Variants in AGBL4 observed in about 807,000 individuals in gnomAD.
AGBL4 encodes the protein cytosolic carboxypeptidase 6.
Under a neutral mutation model 66.4 loss-of-function variants are expected in AGBL4, and 58 were observed. The ratio of observed to expected loss-of-function variants is 0.87; its 90% CI spans 0.71 to 1.09. The LOEUF is 1.09. Ranked by LOEUF, AGBL4 falls within the 50% of genes least tolerant of loss-of-function variation. AGBL4 has a pLI of 0.00. For missense variants in AGBL4, 579 were observed against 631.0 expected, an observed-to-expected ratio of 0.92 and a Z score of 0.88; for synonymous variants, 234 against 222.9, an observed-to-expected ratio of 1.05 and a Z score of -0.44.
intron 3 of AGBL4, among the ~76,000 whole-genome samples, chr1:49,283,127 C>G (rs1367092100): frequency 6.6e-6 from 1 of 152,204 alleles, no homozygotes; most frequent in East Asian, 1.9e-4. Context: ...CCCTGTCTGA[C>G]AGCTTTGAAG....
chr1:49,530,335 C>A (rs1480404987), intron 3 of AGBL4, among the ~76,000 whole-genome samples: 1 of 138,834 alleles, frequency 7.2e-6, no homozygotes, highest in Non-Finnish European at 1.5e-5. Context: ...TACATGTGCA[C>A]AACGTGCAGG....
chr1:49,916,556 C>T (rs1045668335), intron 1 of AGBL4, among the ~76,000 whole-genome samples: 1 of 152,168 alleles, frequency 6.6e-6, no homozygotes, highest in African/African-American at 2.4e-5. Context: ...AAGAAAAGAA[C>T]AAAGCCTCCA....
chr1:49,003,253 C>T (rs529394399), intron 5 of AGBL4, among the ~76,000 whole-genome samples: 2 of 152,120 alleles, frequency 1.3e-5, no homozygotes, highest in South Asian at 2.1e-4. Flanking sequence ...AAAAAATTAG[C>T]TGGGCGTGGT....
At chr1:49,832,168 C>T (rs1645705936) in intron 2 of AGBL4, among the ~76,000 whole-genome samples, 1 of 151,494 alleles carries the variant, frequency 6.6e-6, no homozygotes, top group Non-Finnish European at 1.5e-5. Context: ...CACAGCAGTC[C>T]CCAGAGTGTG....
At chr1:48,652,668 G>A (rs1261410912) in intron 8 of AGBL4, among the ~76,000 whole-genome samples, 1 of 152,180 alleles carries the variant, frequency 6.6e-6, no homozygotes, top group Non-Finnish European at 1.5e-5. Flanking sequence ...AGCTTAATGT[G>A]AAATAAGGGC....
chr1:48,799,953 T>C (rs1176721866), intron 6 of AGBL4, among the ~76,000 whole-genome samples: 1 of 152,172 alleles, frequency 6.6e-6, no homozygotes, highest in Non-Finnish European at 1.5e-5. Flanking sequence ...ATTGGTCTAC[T>C]GTTTTCTTTG....
At chr1:48,527,150 T>C in the AGBL4 span, among the ~76,000 whole-genome samples, 1 of 152,174 alleles carries the variant, frequency 6.6e-6, no homozygotes, top group Non-Finnish European at 1.5e-5. Context: ...ATTTTGTTCA[T>C]TCTTTCTTTT....
intron 3 of AGBL4, among the ~76,000 whole-genome samples, chr1:49,284,619 T>G (rs1001805369): frequency 1.3e-4 from 20 of 152,296 alleles, no homozygotes; most frequent in African/African-American, 9.6e-5. Flanking sequence ...TGCTGTATTC[T>G]GGAAACCCAT....
At chr1:49,185,098 G>C (rs1646992230) in intron 4 of AGBL4, among the ~76,000 whole-genome samples, 1 of 152,086 alleles carries the variant, frequency 6.6e-6, no homozygotes, top group African/African-American at 2.4e-5. Flanking sequence ...GTTTTGCTTG[G>C]AAGCACCCAG....
intron 6 of AGBL4, among the ~76,000 whole-genome samples, chr1:48,759,764 CA>C (rs1322008703): frequency 2.0e-5 from 3 of 152,198 alleles, no homozygotes; most frequent in South Asian, 4.1e-4. Flanking sequence ...CCCCTAAAGG[CA>C]ATTCACCATG....
chr1:49,441,910 G>A (rs371923825), intron 3 of AGBL4, among the ~76,000 whole-genome samples: 2 of 152,138 alleles, frequency 1.3e-5, no homozygotes, highest in Admixed American at 6.5e-5. Context: ...TGGAGGTTAC[G>A]CATGGGCTCA....
intron 3 of AGBL4, among the ~76,000 whole-genome samples, chr1:49,420,472 G>A (rs1243370320): frequency 2.6e-5 from 4 of 152,036 alleles, no homozygotes; most frequent in African/African-American, 9.7e-5. Context: ...AGGCCAAGAC[G>A]GGCGGATCAC....
At chr1:49,575,475 A>C (rs1644418248) in intron 3 of AGBL4, among the ~76,000 whole-genome samples, 2 of 152,300 alleles carry the variant, frequency 1.3e-5, no homozygotes, top group Middle Eastern at 3.4e-3. Flanking sequence ...AATCAGAAAC[A>C]ATATCAATCC....
At chr1:49,192,244 T>C (rs960673249) in intron 4 of AGBL4, among the ~76,000 whole-genome samples, 1 of 152,132 alleles carries the variant, frequency 6.6e-6, no homozygotes, top group Non-Finnish European at 1.5e-5. Flanking sequence ...TGCTTACATG[T>C]TTTATATATT....
intron 1 of AGBL4, among the ~76,000 whole-genome samples, chr1:49,885,780 G>A (rs962401501): frequency 1.3e-5 from 2 of 152,086 alleles, no homozygotes; most frequent in East Asian, 3.9e-4. Flanking sequence ...TGACCATCTA[G>A]TTAAGGACTA....
At chr1:49,814,270 T>G (rs1192630830) in intron 2 of AGBL4, among the ~76,000 whole-genome samples, 1 of 152,104 alleles carries the variant, frequency 6.6e-6, no homozygotes, top group Non-Finnish European at 1.5e-5. Context: ...ATGTATCATG[T>G]AGGAGTATTC....
Position 48,712,034 on chromosome 1 carries a change from C to G in AGBL4, c.635-48793G>C, listed in dbSNP as rs180863987. On this transcript the variant is annotated intron_variant, in intron 6 of 13. Coordinates refer to ENST00000371839, the MANE Select transcript of AGBL4 (RefSeq NM_032785.4). The stretch of plus-strand genomic sequence containing the variant: ...CTTTTCTCAGTCATACTCGCTCTGG[C>G]CCCATCTGTGCTACTCCCTCCTCTT... Among the ~76,000 whole-genome samples the G allele has an allele frequency of 6.1e-3, 929 of 152,230 alleles. 11 individuals carry two copies. Among genetic ancestry groups the G allele is most frequent in the Middle Eastern group, 0.024 (7 of 294 alleles).
At chr1:49,632,961 C>A (rs1361832108) in intron 3 of AGBL4, among the ~76,000 whole-genome samples, 2 of 152,056 alleles carry the variant, frequency 1.3e-5, no homozygotes, top group African/African-American at 2.4e-5. Flanking sequence ...GTAGTCCCAG[C>A]TACTCGGGAG....
chr1:49,153,432 TG>T (rs1646375557), intron 4 of AGBL4, among the ~76,000 whole-genome samples: 3 of 152,216 alleles, frequency 2.0e-5, no homozygotes, highest in African/African-American at 7.2e-5. Context: ...TCCCTCTTAA[TG>T]ATGAAAAGAA....
Sources: allele counts gnomAD v4.1 joint callset (sites outside exome capture counted in the v4.1 genomes callset), GRCh38; gene constraint gnomAD v4.1.1; transcripts MANE v1.5; gene names NCBI Gene and HGNC (gene_info 2026-07-23, HGNC 2026-07-21).